SRD5A1: variants seen among roughly 807,000 people sequenced by gnomAD.
SRD5A1 encodes 3-oxo-5-alpha-steroid 4-dehydrogenase 1.
A neutral mutation model predicts 28.2 loss-of-function variants in SRD5A1; 22 were observed. The observed-to-expected ratio is 0.78, with a 90% CI of 0.56 to 1.12. The LOEUF is 1.12. Ranked by LOEUF, SRD5A1 falls within the 50% of genes most tolerant of loss-of-function variation. SRD5A1 has a pLI of 0.00. For missense variants in SRD5A1, 300 were observed against 346.7 expected, an observed-to-expected ratio of 0.87 and a Z score of 1.07; for synonymous variants, 151 against 135.0, an observed-to-expected ratio of 1.12 and a Z score of -0.82.
intron 1 of SRD5A1, among the ~76,000 whole-genome samples, chr5:6,640,244 T>C (rs1470867322): frequency 1.3e-5 from 2 of 152,222 alleles, no homozygotes; most frequent in African/African-American, 4.8e-5. Context: ...AGTCACAGTT[T>C]TGCAGTGTAA....
intron 1 of SRD5A1, among the ~76,000 whole-genome samples, chr5:6,635,271 C>T (rs1300662125): frequency 6.6e-6 from 1 of 152,108 alleles, no homozygotes; most frequent in Admixed American, 6.5e-5. Flanking sequence ...TCATCAGAGG[C>T]TTAGTGAGTA....
At chr5:6,667,520 C>T (rs1028706559) in intron 4 of SRD5A1, among the ~76,000 whole-genome samples, 2 of 152,176 alleles carry the variant, frequency 1.3e-5, no homozygotes, top group African/African-American at 4.8e-5. Context: ...TAGAAACTCC[C>T]TTTCTCCATC....
intron 4 of SRD5A1, among the ~76,000 whole-genome samples, chr5:6,665,188 G>A (rs1739130429): frequency 6.6e-6 from 1 of 152,206 alleles, no homozygotes; most frequent in South Asian, 2.1e-4. Flanking sequence ...CATGAACCCA[G>A]GAACACGTGG....
intron 4 of SRD5A1, among the ~76,000 whole-genome samples, chr5:6,667,839 G>C (rs529305663): frequency 3.9e-5 from 6 of 152,170 alleles, no homozygotes; most frequent in Non-Finnish European, 7.3e-5. Context: ...GTCACCAGCA[G>C]GTATTCAGGA....
intron 4 of SRD5A1, among the ~76,000 whole-genome samples, chr5:6,666,990 G>A (rs775009663): frequency 2.9e-4 from 44 of 152,346 alleles, no homozygotes; most frequent in Non-Finnish European, 4.9e-4. Flanking sequence ...ACTGTGCGGC[G>A]GCCAGTGCCG....
chr5:6,652,723 C>T (rs527786), intron 2 of SRD5A1, among the ~76,000 whole-genome samples: 25,220 of 151,632 alleles, frequency 0.17, 2,307 homozygotes, highest in East Asian at 0.24. Flanking sequence ...AATACAAAAA[C>T]GTAGCTGGGC....
chr5:6,636,931 G>T (rs140856395), intron 1 of SRD5A1, among the ~76,000 whole-genome samples: 12 of 152,200 alleles, frequency 7.9e-5, no homozygotes, highest in Middle Eastern at 6.8e-3. Context: ...GGGCTGGGGT[G>T]GGGGGATAGC....
intron 4 of SRD5A1, among the ~76,000 whole-genome samples, chr5:6,663,737 G>A (rs1264998696): frequency 6.6e-6 from 1 of 152,076 alleles, no homozygotes; most frequent in Non-Finnish European, 1.5e-5. Context: ...GCGGGCGCCT[G>A]TAATCCCAGC....
chr5:6,663,462 C>T (rs1739071489), intron 4 of SRD5A1, among the ~76,000 whole-genome samples: 1 of 152,204 alleles, frequency 6.6e-6, no homozygotes, highest in Non-Finnish European at 1.5e-5. Flanking sequence ...GCTACAGAAG[C>T]TCTGCATGCC....
chr5:6,665,064 G>A (rs1269968620), intron 4 of SRD5A1, among the ~76,000 whole-genome samples: 2 of 152,258 alleles, frequency 1.3e-5, no homozygotes, highest in Non-Finnish European at 2.9e-5. Context: ...CGACCTTACT[G>A]GAGAACGTTA....
chr5:6,663,011 T>C, intron 4 of SRD5A1, 45 bp downstream of exon 4: 1 of 1,598,844 alleles, frequency 6.3e-7, no homozygotes, highest in South Asian at 1.1e-5. Flanking sequence ...GTTCTTTGAC[T>C]ATATTATTAC....
chr5:6,654,025 AG>A (rs1738760990), intron 2 of SRD5A1, among the ~76,000 whole-genome samples: 1 of 152,104 alleles, frequency 6.6e-6, no homozygotes, highest in Admixed American at 6.6e-5. Flanking sequence ...TGCCTACTGT[AG>A]TTACCATGAA....
intron 2 of SRD5A1, among the ~76,000 whole-genome samples, chr5:6,654,076 A>T (rs868678116): frequency 6.6e-6 from 1 of 151,372 alleles, no homozygotes; most frequent in African/African-American, 2.4e-5. Flanking sequence ...TTTTTTTGAG[A>T]TGGAGTTTCT....
chr5:6,648,976 G>T (rs909397400), intron 1 of SRD5A1, among the ~76,000 whole-genome samples: 1 of 152,088 alleles, frequency 6.6e-6, no homozygotes, highest in African/African-American at 2.4e-5. Context: ...CTTCTAACAG[G>T]CCCCTCTGCT....
chr5:6,665,164 G>A (rs775313875), intron 4 of SRD5A1, among the ~76,000 whole-genome samples: 9 of 152,194 alleles, frequency 5.9e-5, no homozygotes, highest in Non-Finnish European at 1.0e-4. Flanking sequence ...ACACAGAGGC[G>A]GGGGCGATGC....
Position 6,633,669 on chromosome 5 carries a change from T to A in SRD5A1, c.93T>A (p.Asn31Lys). Reference sequence around the variant, plus strand: ...TGGGCTGCGCGGTCTTCGCGCGCAATCGTCAGACGAACTCAGTGTACGGCC... The same window carrying A: ...TGGGCTGCGCGGTCTTCGCGCGCAAACGTCAGACGAACTCAGTGTACGGCC... Reference protein sequence around the residue: ...CAVGCAVFARNRQTNSVYGRH... With the variant: ...CAVGCAVFARKRQTNSVYGRH... The change falls in exon 1 of 5, where the codon AAT (asparagine) becomes AAA (lysine). Residue 31 changes from asparagine (N) to lysine (K), a missense_variant. Physicochemically the swap from Asn to Lys is moderately conservative, Grantham distance 94. Transcript: ENST00000274192. 1.9e-6 allele frequency: 3 copies of A among 1,583,206 alleles called. No individual in the cohort carries two copies. Among genetic ancestry groups the A allele is most frequent in the Non-Finnish European group, 2.6e-6 (3 of 1,172,388 alleles).
At chr5:6,648,884 T>C (rs961178857) in intron 1 of SRD5A1, among the ~76,000 whole-genome samples, 4 of 152,228 alleles carry the variant, frequency 2.6e-5, no homozygotes, top group Non-Finnish European at 4.4e-5. Context: ...CACTGGTTTT[T>C]CCCCATCTTT....
chr5:6,660,771 A>G (rs1427464548), intron 3 of SRD5A1, among the ~76,000 whole-genome samples: 1 of 152,246 alleles, frequency 6.6e-6, no homozygotes, highest in Non-Finnish European at 1.5e-5. Context: ...ACTCTGCTAT[A>G]AAGAACTACC....
At chr5:6,638,563 C>T (rs1292098804) in intron 1 of SRD5A1, among the ~76,000 whole-genome samples, 1 of 152,222 alleles carries the variant, frequency 6.6e-6, no homozygotes, top group Non-Finnish European at 1.5e-5. Context: ...TTTCCTTCCA[C>T]TGTTGGGTTT....
Sources: gnomAD v4.1 joint callset for allele counts (sites outside exome capture counted in the v4.1 genomes callset) on GRCh38, gnomAD v4.1.1 for gene constraint, MANE v1.5 for transcripts, NCBI Gene and HGNC (gene_info 2026-07-23, HGNC 2026-07-21) for gene names.